Variants in RIC8B observed in about 807,000 individuals in gnomAD.
The protein encoded by RIC8B is RIC8 guanine nucleotide exchange factor B, also known as chaperone Ric-8B.
RIC8B carries 16 observed loss-of-function variants against 57.5 expected under a neutral mutation model. That is an observed-to-expected ratio of 0.28 (90% CI 0.19 to 0.42). The LOEUF is 0.42. RIC8B is among the 10% of genes least tolerant of loss of function. The pLI, the probability that RIC8B is intolerant of heterozygous loss-of-function variation, is 1.00. For synonymous variants in RIC8B, 216 were observed against 250.8 expected (o/e 0.86, Z 1.31); for missense variants, 481 against 677.0 (o/e 0.71, Z 3.21).
At chr12:106,780,306 A>G (rs1214347134) in intron 1 of RIC8B, among the ~76,000 whole-genome samples, 2 of 152,180 alleles carry the variant, frequency 1.3e-5, no homozygotes, top group African/African-American at 4.8e-5. Context: ...GTTTTGAAGT[A>G]TGGCAAGTTT....
intron 3 of RIC8B, among the ~76,000 whole-genome samples, chr12:106,818,740 C>T (rs1275792056): frequency 6.6e-6 from 1 of 152,156 alleles, no homozygotes; most frequent in East Asian, 1.9e-4. Flanking sequence ...TAAGCTACTA[C>T]ACCAAGCACT....
chr12:106,842,677 G>T lies in RIC8B; in HGVS notation c.925G>T (p.Ala309Ser). Residue 309 changes from alanine (A) to serine (S), a missense_variant, in exon 5 of 10, where the codon GCA (alanine) becomes TCA (serine). Physicochemically the swap from Ala to Ser is moderately conservative, Grantham distance 99 (BLOSUM62 1). Transcript: ENST00000392837. ...PLTHEETAQE[A>S]TTLDELPSNK... is the part of the protein sequence containing the mutation. ...AACCCATGAAGAAACAGCCCAAGAG[G>T]CAACGACTCTAGATGAACTGCCCAG... The T allele has an allele frequency of 6.2e-7, 1 of 1,613,560 alleles. No homozygotes were observed. Among genetic ancestry groups the T allele is most frequent in the South Asian group, 1.1e-5 (1 of 91,070 alleles).
rs60993772 is a variant in RIC8B at position 106,810,290 on chromosome 12, TAAAAAAAAA to T, written c.133-4399_133-4391del. 2.0e-4 allele frequency among the ~76,000 whole-genome samples: 24 copies of T among 122,666 alleles called. 1 individual carries two copies. Among genetic ancestry groups the T allele is most frequent in the African/African-American group, 6.9e-4 (23 of 33,254 alleles). 80.5% of individuals were successfully genotyped at this position (122,666 alleles called of 152,430 possible). A position where few individuals can be genotyped will look rare whatever the true frequency, so the allele number is the denominator to read the frequency against. ...AGAAGTGTCTAAATCATACAGCTGG[TAAAAAAAAA>T]AAAAAAGAAAGAAAAGAAAGTCACA... On this transcript the variant is annotated intron_variant, in intron 2 of 9. Coordinates refer to ENST00000392837, the MANE Select transcript of RIC8B (RefSeq NM_001330145.2).
At chr12:106,857,691 C>G (rs1949764324) in intron 7 of RIC8B, among the ~76,000 whole-genome samples, 1 of 152,084 alleles carries the variant, frequency 6.6e-6, no homozygotes, top group African/African-American at 2.4e-5. Flanking sequence ...AGCAGCTCAC[C>G]TTAACATCCA....
chr12:106,831,040 C>T (rs751278544), intron 4 of RIC8B, among the ~76,000 whole-genome samples: 9 of 152,182 alleles, frequency 5.9e-5, no homozygotes, highest in Admixed American at 2.0e-4. Flanking sequence ...TCTGATGATT[C>T]CTTTTTCTCC....
chr12:106,826,785 ATAAAAT>A (rs1374725190), intron 4 of RIC8B, among the ~76,000 whole-genome samples: 1 of 152,090 alleles, frequency 6.6e-6, no homozygotes, highest in Non-Finnish European at 1.5e-5. Context: ...TTAAAAGTAA[ATAAAAT>A]ATATAAAATA....
intron 1 of RIC8B, 190 bp downstream of exon 1, chr12:106,775,019 C>G: frequency 1.7e-6 from 1 of 577,328 alleles, no homozygotes; most frequent in Non-Finnish European, 3.1e-6. Flanking sequence ...TCCCACTACC[C>G]CCACTGTAGC....
Position 106,832,049 on chromosome 12 carries a change from C to G in RIC8B, c.836+6229C>G, listed in dbSNP as rs572843985. On this transcript the variant is annotated intron_variant, in intron 4 of 9. Coordinates refer to ENST00000392837, the MANE Select transcript of RIC8B (RefSeq NM_001330145.2). ...CTTGCTCTGTCTACTGCGTGGAATC[C>G]TTTTCCCAGATCTTTAAGAGGCTGA... Among the ~76,000 whole-genome samples the G allele has an allele frequency of 2.3e-4, 35 of 152,174 alleles. 1 individual carries two copies. The East Asian group carries it at 6.0e-3, about 26-fold the overall frequency.
intron 2 of RIC8B, among the ~76,000 whole-genome samples, chr12:106,788,051 A>C (rs184399770): frequency 1.8e-4 from 28 of 152,306 alleles, no homozygotes; most frequent in African/African-American, 6.5e-4. Flanking sequence ...TCCTAGATAC[A>C]GTGGGGGTAC....
At chr12:106,870,800 A>G (rs1261682629) in intron 8 of RIC8B, 23 bp from the exon 9 acceptor site, 4 of 1,481,456 alleles carry the variant, frequency 2.7e-6, no homozygotes, top group African/African-American at 1.4e-5. Flanking sequence ...AACATACAGC[A>G]TAACTTTTTT....
chr12:106,864,132 G>A (rs1297356467), intron 8 of RIC8B, among the ~76,000 whole-genome samples: 1 of 152,014 alleles, frequency 6.6e-6, no homozygotes, highest in Non-Finnish European at 1.5e-5. Flanking sequence ...TTTCTTTTAT[G>A]GAGAATCAGT....
intron 4 of RIC8B, among the ~76,000 whole-genome samples, chr12:106,833,399 C>T (rs533171641): frequency 1.6e-4 from 25 of 151,962 alleles, no homozygotes; most frequent in Non-Finnish European, 2.9e-4. Flanking sequence ...GTCAGAAGTT[C>T]GAGACCAGCC....
chr12:106,868,236 T>G, intron 8 of RIC8B: 2 of 453,864 alleles, frequency 4.4e-6, no homozygotes, highest in Non-Finnish European at 8.9e-6. Flanking sequence ...CTGAAGCATG[T>G]GATCATGTGT....
At chr12:106,855,364 C>A (rs1378736959) in intron 7 of RIC8B, among the ~76,000 whole-genome samples, 1 of 152,126 alleles carries the variant, frequency 6.6e-6, no homozygotes, top group Non-Finnish European at 1.5e-5. Flanking sequence ...TCTTTGAACT[C>A]GCCCTATGTG....
In RIC8B at chr12:106,814,844, G is replaced by A. The variant is rs1451506156; in HGVS notation, c.281G>A (p.Arg94Gln). 11 of 1,614,040 alleles carry A rather than the reference G, an allele frequency of 6.8e-6. No homozygotes were observed. Among genetic ancestry groups the A allele is most frequent in the Admixed American group, 5.0e-5 (3 of 60,000 alleles). Residue 94 changes from arginine to glutamine, a missense_variant, in exon 3 of 10, where the codon CGA becomes CAA. This residue lies in a region of RIC8B where 421 missense variants were observed against 560.9 expected (regional missense o/e 0.75). Transcript: ENST00000392837. ...AAGGAAAATATGCAGATACTGCTGC[G>A]ACTAGCCAAGCTAAATGAGTTAGAT... Reference protein sequence around the residue: ...TTKENMQILLRLAKLNELDDS... With the variant: ...TTKENMQILLQLAKLNELDDS...
intron 1 of RIC8B, among the ~76,000 whole-genome samples, chr12:106,777,161 C>T (rs551469361): frequency 3.7e-4 from 56 of 152,218 alleles, no homozygotes; most frequent in African/African-American, 1.2e-3. Flanking sequence ...CTGTGCCTGG[C>T]GAGAAAGCTC....
In RIC8B at chr12:106,857,131, G is replaced by A. The variant is rs527840420; in HGVS notation, c.1307-3137G>A. 9.2e-5 allele frequency among the ~76,000 whole-genome samples: 14 copies of A among 152,270 alleles called. 1 individual carries two copies. Among genetic ancestry groups the A allele is most frequent in the Admixed American group, 4.6e-4 (7 of 15,304 alleles). On this transcript the variant is annotated intron_variant, in intron 7 of 9. Coordinates refer to ENST00000392837, the MANE Select transcript of RIC8B (RefSeq NM_001330145.2). ...TTGAGCTTAGTTTTTAGGGGAAGAC[G>A]TTAGAGATTTTATCCAGGAAGGTTG...
chr12:106,851,768 C>T (rs1177329428), intron 7 of RIC8B, among the ~76,000 whole-genome samples, 174 bp downstream of exon 7: 1 of 152,164 alleles, frequency 6.6e-6, no homozygotes, highest in Non-Finnish European at 1.5e-5. Flanking sequence ...TTTGTATACG[C>T]TTCTGAATTC....
chr12:106,856,063 A>G (rs923729069), intron 7 of RIC8B, among the ~76,000 whole-genome samples: 5 of 152,178 alleles, frequency 3.3e-5, no homozygotes, highest in Admixed American at 1.3e-4. Flanking sequence ...CTTTACCTGT[A>G]GAAGTCATAA....
Sources: allele counts gnomAD v4.1 joint callset (sites outside exome capture counted in the v4.1 genomes callset), GRCh38; gene constraint gnomAD v4.1.1; regional missense constraint gnomAD v4.1.1; transcripts MANE v1.5; gene names NCBI Gene and HGNC (gene_info 2026-07-23, HGNC 2026-07-21).